Variants in ATXN1 observed in about 807,000 individuals in gnomAD.
ATXN1 encodes ataxin 1.
Under a neutral mutation model 56.4 loss-of-function variants are expected in ATXN1, and 8 were observed. The observed-to-expected ratio is 0.14, with a 90% CI of 0.08 to 0.26. The LOEUF is 0.26. Ranked by LOEUF, ATXN1 falls within the 10% of genes least tolerant of loss-of-function variation. The pLI is 1.00. For synonymous variants in ATXN1, 514 were observed against 494.6 expected, an observed-to-expected ratio of 1.04 and a Z score of -0.52; for missense variants, 987 against 1,106.5, an observed-to-expected ratio of 0.89 and a Z score of 1.53.
At chr6:16,447,969 C>T (rs1759668543) in intron 6 of ATXN1, among the ~76,000 whole-genome samples, 1 of 152,128 alleles carries the variant, frequency 6.6e-6, no homozygotes, top group Non-Finnish European at 1.5e-5. Flanking sequence ...AAAGTTCCCA[C>T]CCAATGCAGA....
intron 5 of ATXN1, among the ~76,000 whole-genome samples, chr6:16,513,968 T>G (rs1167461242): frequency 6.6e-6 from 1 of 152,124 alleles, no homozygotes; most frequent in Non-Finnish European, 1.5e-5. Context: ...GAAAAAGATT[T>G]GGGGCTGAGG....
At chr6:16,547,322 C>T (rs1000936599) in intron 4 of ATXN1, among the ~76,000 whole-genome samples, 3 of 152,188 alleles carry the variant, frequency 2.0e-5, no homozygotes, top group Non-Finnish European at 4.4e-5. Flanking sequence ...CAACCCCAAA[C>T]CCTGAGATTT....
At chr6:16,507,627 C>T (rs1384636306) in intron 5 of ATXN1, among the ~76,000 whole-genome samples, 2 of 152,006 alleles carry the variant, frequency 1.3e-5, no homozygotes, top group Admixed American at 1.3e-4. Flanking sequence ...GCCTAAGTAC[C>T]CTTAATTTTT....
At chr6:16,393,769 G>A (rs1411883824) in intron 6 of ATXN1, among the ~76,000 whole-genome samples, 1 of 152,148 alleles carries the variant, frequency 6.6e-6, no homozygotes, top group African/African-American at 2.4e-5. Context: ...TGTAATCCCA[G>A]CACTTTGGGA....
chr6:16,545,206 C>A lies in ATXN1; in HGVS notation c.-360-22518G>T, dbSNP rs139714840. On this transcript the variant is annotated intron_variant, in intron 4 of 7. Transcript: ENST00000436367. ...GAAGGCAGCTTTAACTTTCTTATTA[C>A]CCCCCAAAATGTCCTCTTTGGTCTT... Among the ~76,000 whole-genome samples the A allele has an allele frequency of 1.6e-3, 237 of 152,192 alleles. 1 individual carries two copies. Among genetic ancestry groups the A allele is most frequent in the African/African-American group, 5.4e-3 (224 of 41,524 alleles).
intron 3 of ATXN1, among the ~76,000 whole-genome samples, chr6:16,616,561 T>A (rs113014563): frequency 6.9e-6 from 1 of 145,580 alleles, no homozygotes; most frequent in African/African-American, 2.5e-5. Context: ...ATAATATATT[T>A]TATATATAGT....
chr6:16,367,261 T>G (rs562532483), intron 6 of ATXN1, among the ~76,000 whole-genome samples: 1 of 151,988 alleles, frequency 6.6e-6, no homozygotes, highest in Non-Finnish European at 1.5e-5. Flanking sequence ...GGGGCAGAGA[T>G]GGGAAAGGGG....
intron 2 of ATXN1, among the ~76,000 whole-genome samples, chr6:16,661,705 T>G (rs1462040937): frequency 6.6e-6 from 1 of 152,204 alleles, no homozygotes; most frequent in Non-Finnish European, 1.5e-5. Flanking sequence ...TCTTGCATCC[T>G]CTTCTGGGTT....
At chr6:16,744,667 G>A (rs1394705753) in intron 2 of ATXN1, among the ~76,000 whole-genome samples, 1 of 152,122 alleles carries the variant, frequency 6.6e-6, no homozygotes, top group Non-Finnish European at 1.5e-5. Flanking sequence ...GAAAGACTGG[G>A]ACTTCAACAG....
chr6:16,419,145 T>G (rs1347411945), intron 6 of ATXN1, among the ~76,000 whole-genome samples: 1 of 152,208 alleles, frequency 6.6e-6, no homozygotes, highest in East Asian at 1.9e-4. Context: ...GATGGGTTCT[T>G]GCTATGTTGC....
At chr6:16,556,254 G>C (rs1359886600) in intron 4 of ATXN1, among the ~76,000 whole-genome samples, 1 of 152,112 alleles carries the variant, frequency 6.6e-6, no homozygotes. Flanking sequence ...TTTATCAGGT[G>C]ACTTGATCTG....
At chr6:16,586,550 G>A (rs1444707071) in intron 3 of ATXN1, among the ~76,000 whole-genome samples, 1 of 152,160 alleles carries the variant, frequency 6.6e-6, no homozygotes, top group Non-Finnish European at 1.5e-5. Flanking sequence ...TCTGTGAGGT[G>A]GCCAGGAATC....
At chr6:16,498,893 A>G (rs1760826554) in intron 5 of ATXN1, among the ~76,000 whole-genome samples, 1 of 152,204 alleles carries the variant, frequency 6.6e-6, no homozygotes, top group South Asian at 2.1e-4. Context: ...TATATATTCC[A>G]GAAACTAGAC....
intron 4 of ATXN1, among the ~76,000 whole-genome samples, chr6:16,569,521 C>CT (rs1762292155): frequency 8.6e-6 from 1 of 116,230 alleles, no homozygotes; most frequent in African/African-American, 2.9e-5. Flanking sequence ...AGTGAGACTC[C>CT]GTCTCAGAAA....
At chr6:16,480,154 CA>C (rs60209783) in intron 6 of ATXN1, among the ~76,000 whole-genome samples, 151 of 79,090 alleles carry the variant, frequency 1.9e-3, no homozygotes, top group African/African-American at 7.0e-3. Flanking sequence ...ACTTCATCTG[CA>C]AAAAAAAAAA....
At chr6:16,640,669 C>T (rs187271346) in intron 3 of ATXN1, among the ~76,000 whole-genome samples, 3 of 148,982 alleles carry the variant, frequency 2.0e-5, no homozygotes, top group Admixed American at 2.0e-4. Flanking sequence ...GGTGACAGAG[C>T]GAGACTCTGT....
intron 2 of ATXN1, among the ~76,000 whole-genome samples, chr6:16,674,762 C>G (rs1758624778): frequency 6.6e-6 from 1 of 152,036 alleles, no homozygotes; most frequent in South Asian, 2.1e-4. Context: ...AGAGATCATT[C>G]ACTGAAAGGC....
At position 16,443,927 on chromosome 6, in the gene ATXN1, T is replaced by G. The variant is rs59118746; in HGVS notation, c.-161+42045A>C. On this transcript the variant is annotated intron_variant, in intron 6 of 7. Coordinates refer to ENST00000436367, the MANE Select transcript of ATXN1 (RefSeq NM_001128164.2). The stretch of plus-strand genomic sequence containing the variant: ...GTCAGGAGATCGAGACCATCCTGGC[T>G]AACACAGTGAAACCCCGTCTCTACT... Among the ~76,000 whole-genome samples the G allele has an allele frequency of 8.5e-3, 1,295 of 152,170 alleles. 16 individuals carry two copies. The highest frequency in any genetic ancestry group is 0.029 in the African/African-American group (1,207 of 41,498).
intron 2 of ATXN1, among the ~76,000 whole-genome samples, chr6:16,722,950 A>G (rs1359584114): frequency 6.6e-6 from 1 of 152,236 alleles, no homozygotes; most frequent in African/African-American, 2.4e-5. Context: ...ACGCAAATAC[A>G]GAAGTATTTT....
Sources: allele counts gnomAD v4.1 joint callset (sites outside exome capture counted in the v4.1 genomes callset), GRCh38; gene constraint gnomAD v4.1.1; transcripts MANE v1.5; gene names NCBI Gene and HGNC (gene_info 2026-07-23, HGNC 2026-07-21).